The following CRB1 variants were observed in gnomAD, a reference collection of about 807,000 sequenced individuals.
The protein encoded by CRB1 is crumbs cell polarity complex component 1, also known as protein crumbs homolog 1.
A neutral mutation model predicts 120.0 loss-of-function variants in CRB1; 83 were observed. The ratio of observed to expected loss-of-function variants is 0.69; its 90% CI spans 0.58 to 0.83. The LOEUF is 0.83. Among genes scored for constraint, CRB1 ranks in the 40% least tolerant of loss-of-function variants. CRB1 has a pLI of 0.00. For synonymous variants in CRB1, 625 were observed against 612.5 expected (o/e 1.02, Z -0.30); for missense variants, 1,699 against 1,687.6 (o/e 1.01, Z -0.12).
chr1:197,447,920 T>C (rs1665779000), intron 11 of CRB1, among the ~76,000 whole-genome samples: 1 of 151,992 alleles, frequency 6.6e-6, no homozygotes, highest in Admixed American at 6.6e-5. Flanking sequence ...TTTTACTGTC[T>C]GTGCTGTATT....
intron 5 of CRB1, among the ~76,000 whole-genome samples, chr1:197,399,982 A>G (rs996171217): frequency 3.9e-5 from 6 of 152,120 alleles, no homozygotes; most frequent in Non-Finnish European, 7.4e-5. Flanking sequence ...GATTAGAAGC[A>G]AGTTGCTAGT....
chr1:197,359,724 G>C (rs1660678434), intron 5 of CRB1, among the ~76,000 whole-genome samples: 1 of 152,122 alleles, frequency 6.6e-6, no homozygotes, highest in Admixed American at 6.5e-5. Flanking sequence ...AGCAATGTAC[G>C]AGTGATCCAA....
chr1:197,393,109 A>G lies in CRB1; in HGVS notation c.1172-27891A>G, dbSNP rs1306763471. ...AGGGCTGTTAATCAAATTAAACAGG[A>G]CATTTTAAAACACAGTTAAGAATGC... On this transcript the variant is annotated intron_variant, in intron 5 of 11. Transcript: ENST00000367400. 2.0e-5 allele frequency among the ~76,000 whole-genome samples: 3 copies of G among 152,130 alleles called. 1 individual carries two copies. The highest frequency in any genetic ancestry group is 6.6e-5 in the Admixed American group (1 of 15,246).
Position 197,380,832 on chromosome 1 carries a change from T to C in CRB1, c.1171+23819T>C, listed in dbSNP as rs1256672647. Among the ~76,000 whole-genome samples the C allele has an allele frequency of 1.1e-4, 16 of 152,276 alleles. No individual in the cohort carries two copies. The East Asian group carries it at 3.1e-3, about 29-fold the overall frequency. On this transcript the variant is annotated intron_variant, in intron 5 of 11. Transcript: ENST00000367400. The stretch of plus-strand genomic sequence containing the variant: ...TCCATCCTGTCTGAGTGCATCTCCA[T>C]GCCAAATTACACAAAGCAGCCCTGC...
At chr1:197,408,039 A>G (rs1663505311) in intron 5 of CRB1, among the ~76,000 whole-genome samples, 1 of 152,200 alleles carries the variant, frequency 6.6e-6, no homozygotes, top group African/African-American at 2.4e-5. Context: ...ATTATATAAT[A>G]CCGTACACTA....
Position 197,344,280 on chromosome 1 carries a change from G to A in CRB1, c.653-1G>A, listed in dbSNP as rs760287363. 6.2e-7 allele frequency: 1 copy of A among 1,614,110 alleles called. No homozygotes were observed. Among genetic ancestry groups the A allele is most frequent in the Non-Finnish European group, 8.5e-7 (1 of 1,179,960 alleles). On this transcript the variant is annotated splice_acceptor_variant, in intron 2 of 11. Transcript: ENST00000367400. LOFTEE classifies it high-confidence loss of function. The stretch of plus-strand genomic sequence containing the variant: ...TTTTTCTGTGCTGACTTTTTTAAAA[G>A]GTGTAAACTGTGAATTGGAAATTGA...
At chr1:197,368,331 C>G (rs766895988) in intron 5 of CRB1, among the ~76,000 whole-genome samples, 2 of 152,150 alleles carry the variant, frequency 1.3e-5, no homozygotes, top group Non-Finnish European at 2.9e-5. Context: ...TCCTCGTTTA[C>G]TTCATAAAAC....
intron 5 of CRB1, among the ~76,000 whole-genome samples, chr1:197,370,301 C>T (rs1462030884): frequency 6.6e-6 from 1 of 152,066 alleles, no homozygotes; most frequent in Non-Finnish European, 1.5e-5. Context: ...AAACAATGGA[C>T]TTAAACTATA....
the CRB1 span, among the ~76,000 whole-genome samples, chr1:197,227,559 TC>T: frequency 6.3e-3 from 959 of 152,268 alleles, 13 homozygotes; most frequent in African/African-American, 0.022. Context: ...CTTGGGCAGC[TC>T]TGCCCCTGTG....
intron 6 of CRB1, among the ~76,000 whole-genome samples, chr1:197,425,921 A>G (rs554120331): frequency 3.3e-5 from 5 of 151,810 alleles, no homozygotes; most frequent in East Asian, 2.0e-4. Context: ...GTGATTCCCA[A>G]TGTTGAAGGT....
chr1:197,218,593 A>G, the CRB1 span, among the ~76,000 whole-genome samples: 11 of 152,210 alleles, frequency 7.2e-5, no homozygotes, highest in Admixed American at 5.2e-4. Flanking sequence ...AGTTGGATCC[A>G]TAACCCCAAG....
intron 5 of CRB1, among the ~76,000 whole-genome samples, chr1:197,416,176 T>C (rs544744940): frequency 6.6e-6 from 1 of 152,338 alleles, no homozygotes; most frequent in Non-Finnish European, 1.5e-5. Flanking sequence ...TTTTCCTTTA[T>C]TAAATTCATT....
At chr1:197,357,238 T>G (rs1316975870) in intron 5 of CRB1, 1 of 609,052 alleles carries the variant, frequency 1.6e-6, no homozygotes, top group African/African-American at 1.8e-5. Context: ...ATGAAAGGGA[T>G]GACATTTTTA....
chr1:197,204,200 C>A, the CRB1 span, among the ~76,000 whole-genome samples: 1 of 152,168 alleles, frequency 6.6e-6, no homozygotes, highest in Non-Finnish European at 1.5e-5. Context: ...GATTGATGGG[C>A]ACTTGGGCTG....
the CRB1 span, among the ~76,000 whole-genome samples, chr1:197,202,745 A>G: frequency 7.5e-4 from 115 of 152,378 alleles, 2 homozygotes; most frequent in East Asian, 0.022. Flanking sequence ...GTGTTGGGAT[A>G]TGTAAAAGGT....
intron 6 of CRB1, among the ~76,000 whole-genome samples, chr1:197,427,079 C>T (rs1664620751): frequency 6.6e-6 from 1 of 152,126 alleles, no homozygotes; most frequent in East Asian, 1.9e-4. Flanking sequence ...AAATTTCTTC[C>T]ACCAGGTTGG....
chr1:197,315,380 T>C (rs1475571864), intron 1 of CRB1, among the ~76,000 whole-genome samples: 2 of 152,190 alleles, frequency 1.3e-5, no homozygotes, highest in African/African-American at 2.4e-5. Context: ...CGGAAAAGCT[T>C]GGGGTTGACG....
chr1:197,271,834 G>T (rs1360833413), intron 1 of CRB1, among the ~76,000 whole-genome samples: 1 of 151,808 alleles, frequency 6.6e-6, no homozygotes, highest in African/African-American at 2.4e-5. Context: ...TAAATTTGGG[G>T]GTAAACAATA....
At chr1:197,316,683 A>G (rs952016710) in intron 1 of CRB1, among the ~76,000 whole-genome samples, 2 of 152,236 alleles carry the variant, frequency 1.3e-5, no homozygotes, top group Admixed American at 1.3e-4. Context: ...TTAATGTCAC[A>G]TTCAAACTTT....
Sources: gnomAD v4.1 joint callset for allele counts (sites outside exome capture counted in the v4.1 genomes callset) on GRCh38, gnomAD v4.1.1 for gene constraint, MANE v1.5 for transcripts, NCBI Gene and HGNC (gene_info 2026-07-23, HGNC 2026-07-21) for gene names.